The following DNAI4 variants were observed in gnomAD, a reference collection of about 807,000 sequenced individuals.
The protein encoded by DNAI4 is WD repeat domain 78.
In DNAI4, 85 loss-of-function variants were observed where a neutral mutation model predicts 105.8. The ratio of observed to expected loss-of-function variants is 0.80; its 90% CI spans 0.67 to 0.96. The LOEUF (loss-of-function observed/expected upper bound fraction) is 0.96. Among genes scored for constraint, DNAI4 ranks in the 40% least tolerant of loss-of-function variants. The pLI, the probability that DNAI4 is intolerant of heterozygous loss-of-function variation, is 0.00. For synonymous variants in DNAI4, 352 were observed against 331.5 expected (o/e 1.06, Z -0.67); for missense variants, 1,014 against 1,005.6 (o/e 1.01, Z -0.11).
intron 15 of DNAI4, among the ~76,000 whole-genome samples, chr1:66,823,016 T>C (rs1484545026): frequency 2.0e-5 from 3 of 152,078 alleles, no homozygotes; most frequent in Non-Finnish European, 2.9e-5. Context: ...CACTAACTCG[T>C]CATCTAGCAT....
Position 66,893,336 on chromosome 1 carries a change from T to G in DNAI4, c.423A>C (p.Pro141=). 2 of 1,610,474 alleles carry G rather than the reference T, an allele frequency of 1.2e-6. No homozygotes were observed. The highest frequency in any genetic ancestry group is 4.5e-5 in the East Asian group (2 of 44,548). The change falls in exon 3 of 17, where the codon CCA becomes CCC. Residue 141 remains proline, a synonymous_variant. Transcript: ENST00000371026. ...CTTCTTGTGATGTCAAGAGTTTACT[T>G]GGTTTTGCTGTACCAGTAAGTGGAT... is the stretch of plus-strand genomic sequence containing the variant. ...HPDPLTGTAK[P]SKLLTSQEGS...
chr1:66,905,505 C>G, intron 1 of DNAI4, 130 bp from the exon 2 acceptor site: 1 of 543,726 alleles, frequency 1.8e-6, no homozygotes, highest in Admixed American at 4.1e-5. Context: ...ATAATGATAA[C>G]TATTTGAAAT....
intron 8 of DNAI4, among the ~76,000 whole-genome samples, chr1:66,842,705 G>A (rs1468487064): frequency 6.6e-6 from 1 of 151,968 alleles, no homozygotes; most frequent in Non-Finnish European, 1.5e-5. Context: ...ACAAGAGTAT[G>A]TTTAGCTTTA....
intron 9 of DNAI4, among the ~76,000 whole-genome samples, chr1:66,838,041 C>T (rs1557911199): frequency 6.6e-6 from 1 of 152,114 alleles, no homozygotes; most frequent in Non-Finnish European, 1.5e-5. Context: ...TAACCAATTG[C>T]TAACAAGTTC....
In DNAI4 at chr1:66,827,052, A is replaced by C; in HGVS notation, c.2113-6T>G. The C allele has an allele frequency of 1.3e-6, 2 of 1,591,586 alleles. No homozygotes were observed. The highest frequency in any genetic ancestry group is 1.7e-6 in the Non-Finnish European group (2 of 1,171,090). On this transcript the variant is annotated splice_polypyrimidine_tract_variant and splice_region_variant and intron_variant, in intron 14 of 16. Transcript: ENST00000371026. ...GTCACTTTATACACTGGACCCTAGAAATAAAAAAAAAATACATAGGTAAAT... is the reference window on the plus strand; with the variant it reads ...GTCACTTTATACACTGGACCCTAGACATAAAAAAAAAATACATAGGTAAAT...
chr1:66,848,310 A>T (rs1400787586), intron 7 of DNAI4: 1 of 454,954 alleles, frequency 2.2e-6, no homozygotes, highest in Non-Finnish European at 4.4e-6. Context: ...CCCAGACCAC[A>T]GCTGGAAAAG....
chr1:66,893,013 GGAAA>G lies in DNAI4; in HGVS notation c.530+212_530+215del, dbSNP rs375563864. On this transcript the variant is annotated intron_variant, in intron 3 of 16. Coordinates refer to ENST00000371026, the MANE Select transcript of DNAI4 (RefSeq NM_024763.5). ...AGAAAGAAAGAGAGAAAGAGAGAGA[GGAAA>G]GAAAGAAAGAAAGAGAGGAAAGAAA... Among the ~76,000 whole-genome samples the G allele has an allele frequency of 1.9e-3, 199 of 106,696 alleles. 3 individuals are homozygous for G. Among genetic ancestry groups the G allele is most frequent in the East Asian group, 0.014 (51 of 3,696 alleles). The allele number at this position is 106,696 out of a possible 152,430, so 70.0% of individuals were successfully genotyped here.
At chr1:66,909,852 T>G (rs1039918489) in intron 1 of DNAI4, among the ~76,000 whole-genome samples, 1 of 152,138 alleles carries the variant, frequency 6.6e-6, no homozygotes, top group African/African-American at 2.4e-5. Flanking sequence ...GCAACTTTAC[T>G]CTTCCAGTTG....
intron 4 of DNAI4, among the ~76,000 whole-genome samples, chr1:66,882,276 C>T (rs1302741084): frequency 6.6e-6 from 1 of 152,148 alleles, no homozygotes; most frequent in African/African-American, 2.4e-5. Context: ...TTTGTCTTAT[C>T]ATTCACTTAA....
At chr1:66,892,568 C>A (rs1382986046) in intron 3 of DNAI4, among the ~76,000 whole-genome samples, 1 of 152,092 alleles carries the variant, frequency 6.6e-6, no homozygotes, top group Non-Finnish European at 1.5e-5. Context: ...ACATTAAGAG[C>A]TCTGCATTTA....
intron 7 of DNAI4, among the ~76,000 whole-genome samples, chr1:66,861,860 G>A (rs1312901010): frequency 6.6e-6 from 1 of 152,072 alleles, no homozygotes; most frequent in Non-Finnish European, 1.5e-5. Context: ...TTGAACAAAA[G>A]GGAGATAGAA....
At chr1:66,899,464 T>C (rs1358668455) in intron 2 of DNAI4, among the ~76,000 whole-genome samples, 2 of 152,266 alleles carry the variant, frequency 1.3e-5, no homozygotes, top group Non-Finnish European at 2.9e-5. Context: ...TTGTAAGAGT[T>C]CTTTATATAT....
chr1:66,915,136 T>G (rs1649973664), intron 1 of DNAI4, among the ~76,000 whole-genome samples: 1 of 152,208 alleles, frequency 6.6e-6, no homozygotes, highest in Non-Finnish European at 1.5e-5. Context: ...TCTGTAATCT[T>G]TAATAAATAA....
chr1:66,862,176 T>G lies in DNAI4; in HGVS notation c.1067A>C (p.Gln356Pro). The G allele has an allele frequency of 6.3e-7, 1 of 1,593,944 alleles. No homozygotes were observed. The highest frequency in any genetic ancestry group is 8.5e-7 in the Non-Finnish European group (1 of 1,173,592). The change falls in exon 7 of 17, where the codon CAA (glutamine) becomes CCA (proline). Residue 356 changes from glutamine to proline, a missense_variant. Physicochemically the swap from Gln to Pro is moderately conservative, Grantham distance 76 (BLOSUM62 -1). Coordinates refer to ENST00000371026, the MANE Select transcript of DNAI4 (RefSeq NM_024763.5). ...TTCTGTAGTGCTCCCTGGCAATCTT[T>G]GGTCCTGATCTTTAGGAAGTACATT... ...KANVLPKDQD[Q>P]RLPGSTTEKN... is the part of the protein sequence containing the mutation.
At chr1:66,916,595 A>T (rs1019495847) in intron 1 of DNAI4, among the ~76,000 whole-genome samples, 1 of 152,044 alleles carries the variant, frequency 6.6e-6, no homozygotes, top group Non-Finnish European at 1.5e-5. Flanking sequence ...GGCTGCTTTT[A>T]AGAGATAAAA....
chr1:66,886,593 C>T (rs1005407384), intron 4 of DNAI4, among the ~76,000 whole-genome samples: 1 of 152,076 alleles, frequency 6.6e-6, no homozygotes, highest in Non-Finnish European at 1.5e-5. Flanking sequence ...TAGAGAAAGC[C>T]TATGTCTTGC....
At chr1:66,881,363 C>T (rs1275408043) in intron 4 of DNAI4, among the ~76,000 whole-genome samples, 1 of 152,256 alleles carries the variant, frequency 6.6e-6, no homozygotes, top group Non-Finnish European at 1.5e-5. Context: ...CCCATGAAAG[C>T]AGCCAGGAGG....
intron 5 of DNAI4, among the ~76,000 whole-genome samples, chr1:66,873,311 A>C (rs1218254425): frequency 6.7e-6 from 1 of 150,008 alleles, no homozygotes; most frequent in Non-Finnish European, 1.5e-5. Flanking sequence ...GCATGAACAC[A>C]GCTCACTGCA....
At position 66,862,884 on chromosome 1, in the gene DNAI4, T is replaced by A. The variant is rs753940093; in HGVS notation, c.941-582A>T. Among the ~76,000 whole-genome samples, 36 of 152,360 alleles carry A rather than the reference T, an allele frequency of 2.4e-4. No homozygotes were observed. In the South Asian group the frequency reaches 2.5e-3, roughly 11 times the overall value. ...CAAATATGTTATAAAAAGACTTTTA[T>A]GTTCCTTTACTTATGATTAATACAT... On this transcript the variant is annotated intron_variant, in intron 6 of 16. Coordinates refer to ENST00000371026, the MANE Select transcript of DNAI4 (RefSeq NM_024763.5).
Sources: allele counts gnomAD v4.1 joint callset (sites outside exome capture counted in the v4.1 genomes callset), GRCh38; gene constraint gnomAD v4.1.1; transcripts MANE v1.5; gene names NCBI Gene and HGNC (gene_info 2026-07-23, HGNC 2026-07-21).